Variants in DCC observed in about 807,000 individuals in gnomAD.
The protein encoded by DCC is DCC netrin 1 receptor, also known as netrin receptor DCC.
A neutral mutation model predicts 172.5 loss-of-function variants in DCC; 58 were observed. That is an observed-to-expected ratio of 0.34 (90% CI 0.27 to 0.42). The LOEUF is 0.42. Ranked by LOEUF, DCC falls within the 10% of genes least tolerant of loss-of-function variation. DCC has a pLI of 1.00. For missense variants in DCC, 1,740 were observed against 1,791.0 expected, an observed-to-expected ratio of 0.97 and a Z score of 0.51; for synonymous variants, 709 against 644.5, an observed-to-expected ratio of 1.10 and a Z score of -1.52.
chr18:53,234,572 A>G (rs1250221208), intron 12 of DCC, among the ~76,000 whole-genome samples: 1 of 152,162 alleles, frequency 6.6e-6, no homozygotes, highest in East Asian at 1.9e-4. Context: ...CACTCTCTTA[A>G]ACAGTGACTT....
At chr18:52,784,456 T>C (rs1417361860) in intron 2 of DCC, among the ~76,000 whole-genome samples, 1 of 152,104 alleles carries the variant, frequency 6.6e-6, no homozygotes, top group Non-Finnish European at 1.5e-5. Context: ...GATTGTATGA[T>C]ATTTCTACTT....
intron 27 of DCC, among the ~76,000 whole-genome samples, chr18:53,506,927 T>G (rs115320623): frequency 0.015 from 2,303 of 151,772 alleles, 72 homozygotes; most frequent in African/African-American, 0.053. Flanking sequence ...AGGACTAGTC[T>G]CTCCATCATG....
At chr18:53,287,620 C>G (rs1193567918) in intron 12 of DCC, among the ~76,000 whole-genome samples, 1 of 152,118 alleles carries the variant, frequency 6.6e-6, no homozygotes, top group African/African-American at 2.4e-5. Context: ...TTTACGTTCC[C>G]ACCAGCCAGT....
intron 9 of DCC, among the ~76,000 whole-genome samples, chr18:53,194,687 C>A (rs911131674): frequency 1.3e-5 from 2 of 152,126 alleles, no homozygotes; most frequent in African/African-American, 4.8e-5. Context: ...CCAGGCTGGT[C>A]TTGAATTCCT....
At chr18:53,105,114 A>G (rs2043226012) in intron 7 of DCC, among the ~76,000 whole-genome samples, 1 of 152,054 alleles carries the variant, frequency 6.6e-6, no homozygotes, top group Non-Finnish European at 1.5e-5. Flanking sequence ...TGGCATCCTT[A>G]GATTTCTAGA....
chr18:52,528,964 A>C (rs1336947105), intron 1 of DCC, among the ~76,000 whole-genome samples: 1 of 152,126 alleles, frequency 6.6e-6, no homozygotes, highest in South Asian at 2.1e-4. Context: ...AGTTGATACA[A>C]ATGACAAACT....
intron 8 of DCC, among the ~76,000 whole-genome samples, chr18:53,172,629 T>TCAA (rs779470830): frequency 0.057 from 8,648 of 152,200 alleles, 292 homozygotes; most frequent in Middle Eastern, 0.082. Flanking sequence ...AGGTGTTTGA[T>TCAA]AGGCAAATAT....
intron 1 of DCC, among the ~76,000 whole-genome samples, chr18:52,660,737 A>T (rs2035343458): frequency 6.6e-6 from 1 of 152,208 alleles, no homozygotes. Context: ...AGACAAATAC[A>T]ATTTTACAGA....
chr18:53,145,265 C>A (rs1030597404), intron 7 of DCC, among the ~76,000 whole-genome samples: 1 of 152,024 alleles, frequency 6.6e-6, no homozygotes, highest in Non-Finnish European at 1.5e-5. Context: ...AGTCGCCCGC[C>A]ACCACGCCCC....
chr18:52,942,735 C>T (rs1346263194), intron 5 of DCC, among the ~76,000 whole-genome samples: 1 of 152,172 alleles, frequency 6.6e-6, no homozygotes, highest in Non-Finnish European at 1.5e-5. Context: ...AGGTCCCTCC[C>T]ACAACATGTA....
intron 1 of DCC, among the ~76,000 whole-genome samples, chr18:52,644,463 C>T (rs2034971648): frequency 6.6e-6 from 1 of 151,688 alleles, no homozygotes; most frequent in African/African-American, 2.4e-5. Context: ...CCTGTAGTCC[C>T]AGCTACTAGG....
chr18:53,398,943 G>A (rs1426541000), intron 18 of DCC, among the ~76,000 whole-genome samples: 1 of 152,058 alleles, frequency 6.6e-6, no homozygotes, highest in Non-Finnish European at 1.5e-5. Flanking sequence ...GAAATTCAGT[G>A]AATAAAATAA....
In DCC at chr18:53,526,720, G is replaced by T. The variant is rs2046459950; in HGVS notation, c.4215G>T (p.Val1405=). ...LPVSVPTAPE[V]SEESHKPTED... is the part of the protein sequence containing the mutation. ...TGTCTGTGCCAACAGCCCCTGAAGT[G>T]TCTGAGGAGAGCCACAAACCAACAG... is the stretch of plus-strand genomic sequence containing the variant. The change falls in exon 28 of 29, where the codon GTG becomes GTT. Residue 1405 remains valine (V), a synonymous_variant. Transcript: ENST00000442544. 2 of 1,613,514 alleles carry T rather than the reference G, an allele frequency of 1.2e-6. No individual in the cohort carries two copies. Among genetic ancestry groups the T allele is most frequent in the Non-Finnish European group, 1.7e-6 (2 of 1,179,666 alleles).
intron 9 of DCC, among the ~76,000 whole-genome samples, chr18:53,187,079 A>G (rs753992971): frequency 6.6e-6 from 1 of 151,866 alleles, no homozygotes; most frequent in Non-Finnish European, 1.5e-5. Flanking sequence ...TGGAGGGGAC[A>G]CAAACATTCA....
In DCC at chr18:52,476,388, TTTAA is replaced by T. The variant is rs541261333; in HGVS notation, c.91+135515_91+135518del. On this transcript the variant is annotated intron_variant, in intron 1 of 28. Transcript: ENST00000442544. ...GTTTGTGTGTGCATTCGTGTGAGCG[TTTAA>T]TTAAACGGATGTGAAATGCTGTCTG... 3.4e-4 allele frequency among the ~76,000 whole-genome samples: 52 copies of T among 152,274 alleles called. No individual in the cohort carries two copies. In the South Asian group the frequency reaches 8.9e-3, roughly 26 times the overall value.
intron 20 of DCC, among the ~76,000 whole-genome samples, chr18:53,414,082 G>C (rs1910152224): frequency 6.6e-6 from 1 of 152,124 alleles, no homozygotes; most frequent in Non-Finnish European, 1.5e-5. Context: ...AAACAGAAGA[G>C]AAACTCTAGA....
At chr18:52,759,622 C>T (rs1206480486) in intron 2 of DCC, among the ~76,000 whole-genome samples, 1 of 152,066 alleles carries the variant, frequency 6.6e-6, no homozygotes, top group Admixed American at 6.5e-5. Flanking sequence ...TAACCAAAAA[C>T]TCTTTTGAAT....
intron 9 of DCC, among the ~76,000 whole-genome samples, chr18:53,189,873 T>TA (rs1051527341): frequency 2.6e-5 from 4 of 152,318 alleles, no homozygotes; most frequent in South Asian, 2.1e-4. Context: ...CTTCAGTTGA[T>TA]AAAAACCCCT....
At chr18:53,410,351 A>G (rs1389304449) in intron 19 of DCC, 101 bp from the exon 20 acceptor site, 5 of 777,566 alleles carry the variant, frequency 6.4e-6, no homozygotes, top group Non-Finnish European at 1.2e-5. Flanking sequence ...TTGTGGACAT[A>G]TAATAATTAT....
Sources: gnomAD v4.1 joint callset for allele counts (sites outside exome capture counted in the v4.1 genomes callset) on GRCh38, gnomAD v4.1.1 for gene constraint, MANE v1.5 for transcripts, NCBI Gene and HGNC (gene_info 2026-07-23, HGNC 2026-07-21) for gene names.